Variants in GABRG3 observed in about 807,000 individuals in gnomAD.
The protein encoded by GABRG3 is gamma-aminobutyric acid receptor subunit gamma-3.
In GABRG3, 25 loss-of-function variants were observed where a neutral mutation model predicts 48.8. That is an observed-to-expected ratio of 0.51 (90% CI 0.37 to 0.72). The LOEUF is 0.72. Among genes scored for constraint, GABRG3 ranks in the 30% least tolerant of loss-of-function variants. The probability of loss-of-function intolerance (pLI) is 0.00; values close to 1 mark genes in which losing one functional copy is unlikely to be tolerated. For synonymous variants in GABRG3, 227 were observed against 217.6 expected, an observed-to-expected ratio of 1.04 and a Z score of -0.38; for missense variants, 394 against 577.9, an observed-to-expected ratio of 0.68 and a Z score of 3.26.
chr15:27,390,566 C>T (rs1465638698), intron 5 of GABRG3, among the ~76,000 whole-genome samples: 1 of 152,154 alleles, frequency 6.6e-6, no homozygotes, highest in Non-Finnish European at 1.5e-5. Flanking sequence ...TCAGGGCAAG[C>T]CCAGGGAGCA....
intron 3 of GABRG3, among the ~76,000 whole-genome samples, chr15:27,288,946 G>C (rs533201797): frequency 1.3e-5 from 2 of 152,242 alleles, no homozygotes; most frequent in East Asian, 3.9e-4. Context: ...TATTCACTGC[G>C]TATAGAATTC....
At chr15:27,400,603 C>A (rs1255639732) in intron 5 of GABRG3, among the ~76,000 whole-genome samples, 1 of 152,114 alleles carries the variant, frequency 6.6e-6, no homozygotes, top group African/African-American at 2.4e-5. Flanking sequence ...AGAGACCAGT[C>A]CAGAATTTTA....
At chr15:27,376,233 G>T (rs1895591054) in intron 5 of GABRG3, among the ~76,000 whole-genome samples, 1 of 152,194 alleles carries the variant, frequency 6.6e-6, no homozygotes, top group Non-Finnish European at 1.5e-5. Flanking sequence ...GGGTGGTTCT[G>T]CCCTTGTGGC....
chr15:27,307,143 T>C (rs1352880607), intron 3 of GABRG3, among the ~76,000 whole-genome samples: 2 of 134,382 alleles, frequency 1.5e-5, no homozygotes, highest in African/African-American at 5.6e-5. Flanking sequence ...TGTTTATACA[T>C]ATATAAACAT....
At chr15:27,527,356 G>T in intron 7 of GABRG3, 77 bp from the exon 8 acceptor site, 2 of 1,360,432 alleles carry the variant, frequency 1.5e-6, no homozygotes, top group African/African-American at 2.9e-5. Context: ...TGCTGGGGTG[G>T]AGGGATGTGG....
At chr15:26,985,408 T>C (rs1314503271) in intron 2 of GABRG3, among the ~76,000 whole-genome samples, 1 of 152,166 alleles carries the variant, frequency 6.6e-6, no homozygotes, top group Non-Finnish European at 1.5e-5. Flanking sequence ...CCCAAATAGG[T>C]CAGGAGTTAG....
intron 6 of GABRG3, among the ~76,000 whole-genome samples, chr15:27,508,786 T>TCACTGCAAA (rs1403285226): frequency 2.0e-5 from 3 of 152,122 alleles, no homozygotes; most frequent in Non-Finnish European, 4.4e-5. Context: ...TGATCTCGGC[T>TCACTGCAAA]CACTGCAAAC....
rs1490169979 is a variant in GABRG3 at position 27,536,346 on chromosome 15, C to G, written c.*3465C>G. ...TAATTTACTCTGGACCCAGCCAATA[C>G]TGCCCCCAATTTACCCAAAACATGC... On this transcript the variant is annotated 3_prime_UTR_variant, in exon 10 of 10. Transcript: ENST00000615808. 1.3e-5 allele frequency: 2 copies of G among 152,210 alleles called. No homozygotes were observed. The highest frequency in any genetic ancestry group is 4.8e-5 in the African/African-American group (2 of 41,458). The allele number at this position is 152,210 out of a possible 1,614,324, so 9.4% of individuals were successfully genotyped here.
intron 3 of GABRG3, among the ~76,000 whole-genome samples, chr15:27,052,123 C>A (rs974131246): frequency 6.6e-6 from 1 of 152,168 alleles, no homozygotes; most frequent in Non-Finnish European, 1.5e-5. Flanking sequence ...GATACCCGGC[C>A]ACAGATCGGG....
At chr15:27,181,371 C>G (rs1374909906) in intron 3 of GABRG3, among the ~76,000 whole-genome samples, 1 of 152,134 alleles carries the variant, frequency 6.6e-6, no homozygotes, top group Admixed American at 6.6e-5. Flanking sequence ...TCAACCAAGA[C>G]TCTTGTTTTG....
chr15:27,238,048 G>A (rs963110250), intron 3 of GABRG3, among the ~76,000 whole-genome samples: 1 of 152,210 alleles, frequency 6.6e-6, no homozygotes, highest in Non-Finnish European at 1.5e-5. Flanking sequence ...TTCAGCGTTT[G>A]GAAGCTGAAG....
At chr15:27,394,090 T>C (rs1020399287) in intron 5 of GABRG3, among the ~76,000 whole-genome samples, 2 of 152,224 alleles carry the variant, frequency 1.3e-5, no homozygotes, top group Non-Finnish European at 2.9e-5. Flanking sequence ...ATATTTAATG[T>C]AATGACAGAT....
At chr15:27,245,872 A>G (rs1332635932) in intron 3 of GABRG3, among the ~76,000 whole-genome samples, 1 of 152,188 alleles carries the variant, frequency 6.6e-6, no homozygotes, top group Non-Finnish European at 1.5e-5. Context: ...AAACAGAAAC[A>G]AAAAGGAAAA....
chr15:27,348,815 A>T (rs1266293711), intron 5 of GABRG3, among the ~76,000 whole-genome samples: 3 of 152,164 alleles, frequency 2.0e-5, no homozygotes, highest in Non-Finnish European at 4.4e-5. Context: ...GGGTTTTTGG[A>T]GGCAAGAAAA....
chr15:26,978,023 G>A (rs1014086108), intron 2 of GABRG3, among the ~76,000 whole-genome samples: 1 of 152,012 alleles, frequency 6.6e-6, no homozygotes, highest in African/African-American at 2.4e-5. Flanking sequence ...GCTCTAATAG[G>A]TATATATTTA....
At chr15:27,038,204 CCAAGTCTAAGACTGGG>C in intron 3 of GABRG3, among the ~76,000 whole-genome samples, 1 of 152,070 alleles carries the variant, frequency 6.6e-6, no homozygotes, top group South Asian at 2.1e-4. Context: ...ACTGGGAAGT[CCAAGTCTAAGACTGGG>C]AAGTCCAAGA....
chr15:27,487,106 T>C (rs1219322389), intron 6 of GABRG3, among the ~76,000 whole-genome samples: 1 of 152,188 alleles, frequency 6.6e-6, no homozygotes, highest in Non-Finnish European at 1.5e-5. Context: ...GTTCACAAGA[T>C]TGAGTGAAAA....
chr15:27,057,582 G>T (rs1297686840), intron 3 of GABRG3, among the ~76,000 whole-genome samples: 1 of 152,144 alleles, frequency 6.6e-6, no homozygotes, highest in East Asian at 1.9e-4. Context: ...CCCTGGAAAG[G>T]CCTCTGGGCT....
intron 3 of GABRG3, among the ~76,000 whole-genome samples, chr15:27,121,815 T>C (rs1897736833): frequency 6.6e-6 from 1 of 152,140 alleles, no homozygotes; most frequent in Non-Finnish European, 1.5e-5. Context: ...TGCAACAACA[T>C]GGATGGAACT....
Sources: gnomAD v4.1 joint callset for allele counts (sites outside exome capture counted in the v4.1 genomes callset) on GRCh38, gnomAD v4.1.1 for gene constraint, MANE v1.5 for transcripts, NCBI Gene and HGNC (gene_info 2026-07-23, HGNC 2026-07-21) for gene names.